The following DOCK4 variants were observed in gnomAD, a reference collection of about 807,000 sequenced individuals.
DOCK4 encodes the protein dedicator of cytokinesis protein 4.
Under a neutral mutation model 268.1 loss-of-function variants are expected in DOCK4, and 97 were observed. The ratio of observed to expected loss-of-function variants is 0.36; its 90% confidence interval spans 0.31 to 0.43. DOCK4 has a LOEUF of 0.43. DOCK4 is among the 20% of genes least tolerant of loss of function. The probability of loss-of-function intolerance (pLI) is 1.00; values close to 1 mark genes in which losing one functional copy is unlikely to be tolerated. For missense variants in DOCK4, 2,145 were observed against 2,455.7 expected (o/e 0.87, Z 2.67); for synonymous variants, 954 against 887.2 (o/e 1.08, Z -1.34).
intron 1 of DOCK4, among the ~76,000 whole-genome samples, chr7:112,035,387 A>T (rs1309321677): frequency 6.6e-6 from 1 of 152,222 alleles, no homozygotes; most frequent in African/African-American, 2.4e-5. Flanking sequence ...CCCCAGAAAC[A>T]TAAGAAGACT....
chr7:111,944,889 T>C lies in DOCK4; in HGVS notation c.784-18A>G. 5.0e-6 allele frequency: 8 copies of C among 1,613,460 alleles called. No individual in the cohort carries two copies. The highest frequency in any genetic ancestry group is 6.8e-6 in the Non-Finnish European group (8 of 1,179,502). ...CCCAAATCCTACAAACAAAGAAAGTTTGGTTATTTTGGAAGACATGAGCGG... is the reference window on the plus strand; with the variant it reads ...CCCAAATCCTACAAACAAAGAAAGTCTGGTTATTTTGGAAGACATGAGCGG... On this transcript the variant is annotated intron_variant, in intron 9 of 52. Transcript: ENST00000428084.
At chr7:112,162,541 C>A (rs537269673) in intron 1 of DOCK4, among the ~76,000 whole-genome samples, 14 of 150,838 alleles carry the variant, frequency 9.3e-5, no homozygotes, top group Non-Finnish European at 7.4e-5. Context: ...CTCTCTCCCC[C>A]CTCTCCCTGC....
At chr7:111,839,942 T>C (rs1803548205) in intron 25 of DOCK4, among the ~76,000 whole-genome samples, 2 of 152,194 alleles carry the variant, frequency 1.3e-5, no homozygotes, top group South Asian at 4.1e-4. Context: ...AATGTAATTT[T>C]CTTTGTTTTT....
intron 1 of DOCK4, among the ~76,000 whole-genome samples, chr7:112,023,053 G>A (rs894533074): frequency 1.3e-5 from 2 of 152,024 alleles, no homozygotes; most frequent in Admixed American, 6.6e-5. Context: ...TTTGCCTCCC[G>A]AGTAGCTGGG....
At chr7:112,205,645 G>T (rs1449428156) in intron 1 of DOCK4, among the ~76,000 whole-genome samples, 2 of 152,082 alleles carry the variant, frequency 1.3e-5, no homozygotes, top group South Asian at 2.1e-4. Flanking sequence ...TACTGTTTTG[G>T]GGGTGTTCTC....
chr7:111,847,511 C>A (rs1038137150), intron 23 of DOCK4, among the ~76,000 whole-genome samples: 4 of 151,640 alleles, frequency 2.6e-5, no homozygotes, highest in Admixed American at 2.6e-4. Context: ...TTGGCTGTGT[C>A]CCCACCCAAA....
intron 42 of DOCK4, among the ~76,000 whole-genome samples, chr7:111,751,136 C>G (rs552168795): frequency 6.6e-6 from 1 of 152,122 alleles, no homozygotes; most frequent in Non-Finnish European, 1.5e-5. Context: ...GCACATAACA[C>G]CAAGTATGAA....
chr7:112,069,902 G>C (rs1807431571), intron 1 of DOCK4, among the ~76,000 whole-genome samples: 1 of 152,188 alleles, frequency 6.6e-6, no homozygotes, highest in South Asian at 2.1e-4. Context: ...GGAAACAAAA[G>C]GGCACGTGCA....
intron 30 of DOCK4, among the ~76,000 whole-genome samples, chr7:111,791,271 A>C (rs1483988135): frequency 1.4e-5 from 2 of 138,140 alleles, no homozygotes. Context: ...TTTTAATTTA[A>C]AAAATACACA....
intron 8 of DOCK4, among the ~76,000 whole-genome samples, chr7:111,962,051 C>G (rs1796942940): frequency 6.6e-6 from 1 of 151,934 alleles, no homozygotes; most frequent in South Asian, 2.1e-4. Flanking sequence ...ATATTTTCTT[C>G]ACATATTTTG....
At chr7:112,079,677 G>T (rs1410771781) in intron 1 of DOCK4, among the ~76,000 whole-genome samples, 2 of 152,150 alleles carry the variant, frequency 1.3e-5, no homozygotes, top group Non-Finnish European at 2.9e-5. Context: ...AAGAGATGTG[G>T]TTATGGTTAA....
At chr7:112,066,693 A>ATG (rs1563052141) in intron 1 of DOCK4, among the ~76,000 whole-genome samples, 1 of 8,016 alleles carries the variant, frequency 1.2e-4, no homozygotes, top group African/African-American at 2.7e-4. Context: ...ACATATACAT[A>ATG]TATATATATA....
At chr7:112,176,703 T>C (rs767018855) in intron 1 of DOCK4, among the ~76,000 whole-genome samples, 5 of 152,226 alleles carry the variant, frequency 3.3e-5, no homozygotes, top group East Asian at 1.9e-4. Context: ...AGTAACAATA[T>C]GGAAACTGAC....
chr7:111,933,160 A>G (rs990658812), intron 12 of DOCK4, among the ~76,000 whole-genome samples: 25 of 120,330 alleles, frequency 2.1e-4, no homozygotes, highest in Non-Finnish European at 2.8e-4. Context: ...GTATATACAC[A>G]TATATACGTA....
chr7:111,859,562 A>ATTTTTTT (rs140285833), intron 23 of DOCK4, among the ~76,000 whole-genome samples: 1 of 102,178 alleles, frequency 9.8e-6, no homozygotes, highest in Non-Finnish European at 1.8e-5. Flanking sequence ...GTGTGTGTTA[A>ATTTTTTT]TTTTTTTTTT....
intron 1 of DOCK4, among the ~76,000 whole-genome samples, chr7:112,101,636 C>T (rs925999921): frequency 6.6e-6 from 1 of 152,168 alleles, no homozygotes; most frequent in Non-Finnish European, 1.5e-5. Flanking sequence ...TCCATTACCT[C>T]ACTTTCCAAC....
intron 1 of DOCK4, among the ~76,000 whole-genome samples, chr7:112,169,587 T>C (rs1817903240): frequency 6.6e-6 from 1 of 152,184 alleles, no homozygotes; most frequent in African/African-American, 2.4e-5. Context: ...ATCATGCCAC[T>C]AGTTAAGGGA....
chr7:111,833,678 G>GT (rs1434541651), intron 26 of DOCK4, among the ~76,000 whole-genome samples: 11 of 152,224 alleles, frequency 7.2e-5, no homozygotes, highest in Non-Finnish European at 1.5e-4. Flanking sequence ...GTTCTCTAAG[G>GT]TAACAACAGG....
chr7:111,973,709 G>A (rs1031397556), intron 8 of DOCK4, among the ~76,000 whole-genome samples: 4 of 151,210 alleles, frequency 2.6e-5, no homozygotes, highest in Non-Finnish European at 2.9e-5. Flanking sequence ...AATGTTATGA[G>A]GTCAGGAATT....
Sources: allele counts gnomAD v4.1 joint callset (sites outside exome capture counted in the v4.1 genomes callset), GRCh38; gene constraint gnomAD v4.1.1; transcripts MANE v1.5; gene names NCBI Gene and HGNC (gene_info 2026-07-23, HGNC 2026-07-21).